LDB2: variants seen among roughly 807,000 people sequenced by gnomAD.
The protein encoded by LDB2 is LIM domain-binding protein 2.
LDB2 carries 12 observed loss-of-function variants against 44.3 expected under a neutral mutation model. The ratio of observed to expected loss-of-function variants is 0.27; its 90% CI spans 0.17 to 0.44. LDB2 has a LOEUF of 0.44. Among genes scored for constraint, LDB2 ranks in the 20% least tolerant of loss-of-function variants. The pLI is 1.00. For synonymous variants in LDB2, 164 were observed against 174.8 expected (o/e 0.94, Z 0.49); for missense variants, 344 against 473.5 (o/e 0.73, Z 2.54).
At chr4:16,808,173 A>G (rs1300816879) in intron 1 of LDB2, among the ~76,000 whole-genome samples, 1 of 152,186 alleles carries the variant, frequency 6.6e-6, no homozygotes, top group African/African-American at 2.4e-5. Context: ...CTCTTCCGAT[A>G]CGCCCCTCTG....
In LDB2 at chr4:16,501,684, T is replaced by C. The variant is rs191804559; in HGVS notation, c.*959A>G. 1.3e-5 allele frequency: 2 copies of C among 152,740 alleles called. No individual in the cohort carries two copies. The highest frequency in any genetic ancestry group is 4.8e-5 in the African/African-American group (2 of 41,576). The allele number at this position is 152,740 out of a possible 1,614,324, so 9.5% of individuals were successfully genotyped here. A position where few individuals can be genotyped will look rare whatever the true frequency, so the allele number is the denominator to read the frequency against. On this transcript the variant is annotated 3_prime_UTR_variant, in exon 8 of 8. Transcript: ENST00000304523. ...ATGCAAATGGAAAAATTAATTCTCT[T>C]ATAAAGTTTCACATAAATACACTGG...
At chr4:16,709,888 C>T (rs1018441024) in intron 2 of LDB2, among the ~76,000 whole-genome samples, 2 of 152,060 alleles carry the variant, frequency 1.3e-5, no homozygotes, top group African/African-American at 4.8e-5. Context: ...CTCTACCTGG[C>T]CAATTTTACG....
intron 2 of LDB2, among the ~76,000 whole-genome samples, chr4:16,718,127 TA>T (rs1757476899): frequency 6.6e-6 from 1 of 152,056 alleles, no homozygotes; most frequent in Non-Finnish European, 1.5e-5. Flanking sequence ...AGAGTATTGA[TA>T]GTGTTACATC....
At chr4:16,652,414 G>A (rs563121412) in intron 2 of LDB2, among the ~76,000 whole-genome samples, 1 of 152,334 alleles carries the variant, frequency 6.6e-6, no homozygotes, top group East Asian at 1.9e-4. Context: ...GAAATGGAAT[G>A]TGAAGTTTGA....
chr4:16,600,732 A>G (rs552232789), intron 2 of LDB2, among the ~76,000 whole-genome samples: 3 of 152,222 alleles, frequency 2.0e-5, no homozygotes, highest in South Asian at 2.1e-4. Flanking sequence ...AATTCTTGCT[A>G]TGGAAGTTGA....
chr4:16,588,575 A>G, intron 4 of LDB2, 135 bp downstream of exon 4: 4 of 868,360 alleles, frequency 4.6e-6, no homozygotes, highest in Non-Finnish European at 7.0e-6. Context: ...ACAAAACTCA[A>G]TATTTAGAGT....
chr4:16,712,879 C>T (rs1210335655), intron 2 of LDB2, among the ~76,000 whole-genome samples: 1 of 152,196 alleles, frequency 6.6e-6, no homozygotes, highest in Non-Finnish European at 1.5e-5. Flanking sequence ...ACAATAAAAA[C>T]ATACTTCTAT....
rs577466407 is a variant in LDB2, at chr4:16,739,573, G to GAA, written c.235+19583_235+19584dup. On this transcript the variant is annotated intron_variant, in intron 2 of 7. Coordinates refer to ENST00000304523, the MANE Select transcript of LDB2 (RefSeq NM_001290.5). ...TGCACTCCAGCCTCGGTGACAGAGGGAAAAAAAAAAAAAAAAATATATATA... is the reference window on the plus strand; with the variant it reads ...TGCACTCCAGCCTCGGTGACAGAGGGAAAAAAAAAAAAAAAAAAATATATATA... 1.3e-3 allele frequency among the ~76,000 whole-genome samples: 48 copies of GAA among 37,704 alleles called. 4 individuals are homozygous for GAA. Among genetic ancestry groups the GAA allele is most frequent in the African/African-American group, 3.2e-3 (27 of 8,436 alleles). The allele number at this position is 37,704 out of a possible 152,430, so 24.7% of individuals were successfully genotyped here. A position where few individuals can be genotyped will look rare whatever the true frequency, so the allele number is the denominator to read the frequency against.
chr4:16,601,222 C>T (rs1722493147), intron 2 of LDB2, among the ~76,000 whole-genome samples: 1 of 152,152 alleles, frequency 6.6e-6, no homozygotes, highest in Non-Finnish European at 1.5e-5. Context: ...CTCTGGAAGT[C>T]TGTTAGGTGG....
chr4:16,723,739 C>T (rs960333924), intron 2 of LDB2, among the ~76,000 whole-genome samples: 1 of 152,046 alleles, frequency 6.6e-6, no homozygotes, highest in Admixed American at 6.6e-5. Context: ...GTTTTCTGCC[C>T]TCTTGCCTGA....
rs879334025 is a variant in LDB2 at position 16,582,772 on chromosome 4, G to A, written c.615+3150C>T. Among the ~76,000 whole-genome samples the A allele has an allele frequency of 3.3e-5, 5 of 152,134 alleles. No homozygotes were observed. The highest frequency in any genetic ancestry group is 7.3e-5 in the Non-Finnish European group (5 of 68,028). On this transcript the variant is annotated intron_variant, in intron 5 of 7. Transcript: ENST00000304523. This position sits in a 1 kb window ranked among gnomAD's most constrained non-coding sequence, Gnocchi z 4.8. ...AAGTGAGACCGCACTGTGACAGGGCGCCATCTCTGCAGGCTCAGCGGCTTC... is the reference window on the plus strand; with the variant it reads ...AAGTGAGACCGCACTGTGACAGGGCACCATCTCTGCAGGCTCAGCGGCTTC...
At chr4:16,821,772 C>CAAAAAAAAAAAAAAAAA (rs1579985583) in intron 1 of LDB2, among the ~76,000 whole-genome samples, 2 of 43,816 alleles carry the variant, frequency 4.6e-5, no homozygotes, top group African/African-American at 1.4e-4. Context: ...AAAAAAAAAT[C>CAAAAAAAAAAAAAAAAA]AGGAATTTAT....
At chr4:16,783,554 G>A (rs1308469768) in intron 1 of LDB2, among the ~76,000 whole-genome samples, 1 of 152,246 alleles carries the variant, frequency 6.6e-6, no homozygotes, top group African/African-American at 2.4e-5. Context: ...ACAAGGCAGA[G>A]CTGGCTTATG....
intron 1 of LDB2, among the ~76,000 whole-genome samples, chr4:16,773,379 T>C (rs1025865307): frequency 6.6e-6 from 1 of 152,198 alleles, no homozygotes; most frequent in Non-Finnish European, 1.5e-5. Context: ...CAACTCACCA[T>C]AATGTAGAAT....
intron 1 of LDB2, among the ~76,000 whole-genome samples, chr4:16,873,614 A>C (rs1717405238): frequency 6.6e-6 from 1 of 152,240 alleles, no homozygotes; most frequent in South Asian, 2.1e-4. Context: ...TTCTAAAACA[A>C]GGAGTATTTT....
At chr4:16,520,379 C>T (rs953973724) in intron 5 of LDB2, among the ~76,000 whole-genome samples, 6 of 152,170 alleles carry the variant, frequency 3.9e-5, no homozygotes, top group Non-Finnish European at 2.9e-5. Flanking sequence ...ACTAAACTCA[C>T]TCTGCTCTGA....
chr4:16,575,911 A>AT (rs1257071217), intron 5 of LDB2, among the ~76,000 whole-genome samples: 1 of 152,044 alleles, frequency 6.6e-6, no homozygotes, highest in Non-Finnish European at 1.5e-5. Flanking sequence ...TATATTTTGT[A>AT]TTTTTTTAAA....
chr4:16,834,011 A>G (rs1784490051), intron 1 of LDB2, among the ~76,000 whole-genome samples: 1 of 152,214 alleles, frequency 6.6e-6, no homozygotes, highest in Non-Finnish European at 1.5e-5. Context: ...CTCAAATGCC[A>G]TCTTTCCAGA....
chr4:16,516,039 A>T (rs1181934904), intron 5 of LDB2, among the ~76,000 whole-genome samples: 1 of 150,430 alleles, frequency 6.6e-6, no homozygotes, highest in Non-Finnish European at 1.5e-5. Context: ...AATTTTTTGT[A>T]TTTTTTTTAG....
Sources: allele counts gnomAD v4.1 joint callset (sites outside exome capture counted in the v4.1 genomes callset), GRCh38; gene constraint gnomAD v4.1.1; non-coding constraint Gnocchi (gnomAD v3.1); transcripts MANE v1.5; gene names NCBI Gene and HGNC (gene_info 2026-07-23, HGNC 2026-07-21).